Variants in SOX30 observed in about 807,000 individuals in gnomAD.
SOX30 encodes the protein transcription factor SOX-30.
Under a neutral mutation model 58.6 loss-of-function variants are expected in SOX30, and 17 were observed. The observed-to-expected ratio is 0.29, with a 90% CI of 0.20 to 0.44. SOX30 has a LOEUF of 0.44. Among genes scored for constraint, SOX30 ranks in the 20% least tolerant of loss-of-function variants. The pLI, the probability that SOX30 is intolerant of heterozygous loss-of-function variation, is 1.00. For synonymous variants in SOX30, 421 were observed against 400.2 expected (o/e 1.05, Z -0.62); for missense variants, 951 against 965.8 (o/e 0.98, Z 0.20).
At chr5:157,668,520 C>T (rs1448399880) in intron 1 of SOX30, among the ~76,000 whole-genome samples, 1 of 152,036 alleles carries the variant, frequency 6.6e-6, no homozygotes, top group African/African-American at 2.4e-5. Context: ...ATCCATCCAT[C>T]CATCCACTCA....
intron 1 of SOX30, among the ~76,000 whole-genome samples, chr5:157,650,013 G>A (rs903670517): frequency 6.6e-6 from 1 of 152,074 alleles, no homozygotes; most frequent in African/African-American, 2.4e-5. Flanking sequence ...CCAGGAGTTC[G>A]AGACCAGCAT....
chr5:157,665,390 T>C (rs189520400), intron 2 of SOX30, among the ~76,000 whole-genome samples: 329 of 152,122 alleles, frequency 2.2e-3, no homozygotes, highest in African/African-American at 7.6e-3. Flanking sequence ...TAGGTGGGAA[T>C]TGAATAATGA....
chr5:157,649,865 C>A (rs1036420904), intron 1 of SOX30, among the ~76,000 whole-genome samples: 2 of 152,100 alleles, frequency 1.3e-5, no homozygotes, highest in African/African-American at 4.8e-5. Flanking sequence ...ATTCCTAGAA[C>A]CTCTCTGCCA....
intron 4 of SOX30, among the ~76,000 whole-genome samples, chr5:157,636,537 GA>G (rs1758931013): frequency 6.6e-6 from 1 of 152,118 alleles, no homozygotes; most frequent in Admixed American, 6.5e-5. Flanking sequence ...AAGATAAAAA[GA>G]TTCTACATAA....
At chr5:157,630,832 T>C (rs1758770755) in intron 4 of SOX30, among the ~76,000 whole-genome samples, 1 of 138,056 alleles carries the variant, frequency 7.2e-6, no homozygotes, top group African/African-American at 2.8e-5. Flanking sequence ...TTCCCATTTA[T>C]ATATATACAT....
At chr5:157,631,692 G>T (rs1323631331) in intron 4 of SOX30, among the ~76,000 whole-genome samples, 4 of 151,316 alleles carry the variant, frequency 2.6e-5, no homozygotes, top group Non-Finnish European at 4.4e-5. Flanking sequence ...TCGAACCCGG[G>T]AGGCTGAGGT....
At chr5:157,627,101 C>T (rs553453770) in intron 4 of SOX30, among the ~76,000 whole-genome samples, 7 of 152,324 alleles carry the variant, frequency 4.6e-5, no homozygotes, top group East Asian at 3.9e-4. Flanking sequence ...CGGTGGCTCA[C>T]GCCTGTAATC....
intron 2 of SOX30, among the ~76,000 whole-genome samples, chr5:157,666,517 ACACACACAC>A (rs1759676148): frequency 6.9e-6 from 1 of 145,114 alleles, no homozygotes; most frequent in Non-Finnish European, 1.5e-5. Context: ...ACACACACAC[ACACACACAC>A]ACCTCAGTTC....
Position 157,626,117 on chromosome 5 carries a change from A to G in SOX30, c.*223T>C, listed in dbSNP as rs1444767864. 2.3e-6 allele frequency: 1 copy of G among 439,682 alleles called. No individual in the cohort carries two copies. Among genetic ancestry groups the G allele is most frequent in the African/African-American group, 2.0e-5 (1 of 49,488 alleles). The allele number at this position is 439,682 out of a possible 1,614,324, so 27.2% of individuals were successfully genotyped here. A position where few individuals can be genotyped will look rare whatever the true frequency, so the allele number is the denominator to read the frequency against. On this transcript the variant is annotated 3_prime_UTR_variant, in exon 5 of 5. Transcript: ENST00000265007. ...ATGTTGATGCAAATTTCAGCCATTA[A>G]AATTAAACTACTTAATAACTTAAAT...
At chr5:157,663,255 C>A (rs755308742) in intron 2 of SOX30, among the ~76,000 whole-genome samples, 1 of 152,138 alleles carries the variant, frequency 6.6e-6, no homozygotes, top group Non-Finnish European at 1.5e-5. Flanking sequence ...TTATCCACCA[C>A]GATCAAGTGG....
intron 4 of SOX30, among the ~76,000 whole-genome samples, chr5:157,631,297 C>T (rs919159921): frequency 6.6e-6 from 1 of 151,732 alleles, no homozygotes; most frequent in Non-Finnish European, 1.5e-5. Context: ...TCACCACTTA[C>T]ACTTGTTTGC....
chr5:157,640,323 C>T (rs1026385258), intron 3 of SOX30, among the ~76,000 whole-genome samples: 2 of 151,990 alleles, frequency 1.3e-5, no homozygotes, highest in African/African-American at 2.4e-5. Context: ...TATAAAAGTT[C>T]CAAAGCCTTT....
Position 157,652,179 on chromosome 5 carries a change from C to T in SOX30, c.-101G>A. On this transcript the variant is annotated 5_prime_UTR_variant, in exon 1 of 5. Transcript: ENST00000265007. ...AAGAGCCTTGCAAGGCCTTTGCTAC[C>T]CAGAACCCTACGCGGTTCAAAACGC... The T allele has an allele frequency of 1.5e-6, 2 of 1,363,022 alleles. No homozygotes were observed. Among genetic ancestry groups the T allele is most frequent in the Non-Finnish European group, 1.9e-6 (2 of 1,066,658 alleles). 84.4% of individuals were successfully genotyped at this position (1,363,022 alleles called of 1,614,324 possible). A position where few individuals can be genotyped will look rare whatever the true frequency, so the allele number is the denominator to read the frequency against.
chr5:157,646,609 A>C, intron 3 of SOX30, 28 bp downstream of exon 3: 1 of 1,533,218 alleles, frequency 6.5e-7, no homozygotes, highest in Non-Finnish European at 8.8e-7. Flanking sequence ...TATTTAAAAA[A>C]TAGTAATCTA....
chr5:157,653,295 G>C (rs542745507), upstream of SOX30, among the ~76,000 whole-genome samples: 4 of 152,190 alleles, frequency 2.6e-5, no homozygotes, highest in African/African-American at 9.6e-5. Flanking sequence ...CACTTGGTTT[G>C]CTTACCACAA....
intron 2 of SOX30, among the ~76,000 whole-genome samples, chr5:157,658,407 C>T (rs1759519693): frequency 1.3e-5 from 2 of 152,138 alleles, no homozygotes; most frequent in Non-Finnish European, 2.9e-5. Flanking sequence ...TTAGGCTAAC[C>T]CTGCTTATTC....
intron 3 of SOX30, among the ~76,000 whole-genome samples, chr5:157,644,058 G>C: frequency 6.6e-6 from 1 of 152,116 alleles, no homozygotes; most frequent in Non-Finnish European, 1.5e-5. Context: ...CAAAATAGCA[G>C]ATAAATTTCA....
chr5:157,662,072 AG>A (rs1193905293), intron 2 of SOX30, among the ~76,000 whole-genome samples: 1 of 152,174 alleles, frequency 6.6e-6, no homozygotes, highest in African/African-American at 2.4e-5. Context: ...TTTCTTTTTG[AG>A]TCTACTTTGA....
chr5:157,636,204 T>C (rs1465125181), intron 4 of SOX30, among the ~76,000 whole-genome samples: 1 of 152,192 alleles, frequency 6.6e-6, no homozygotes, highest in South Asian at 2.1e-4. Flanking sequence ...TCTTCACCTA[T>C]CCTGTGAGTA....
Sources: gnomAD v4.1 joint callset for allele counts (sites outside exome capture counted in the v4.1 genomes callset) on GRCh38, gnomAD v4.1.1 for gene constraint, MANE v1.5 for transcripts, NCBI Gene and HGNC (gene_info 2026-07-23, HGNC 2026-07-21) for gene names.